The following LCT variants were observed in gnomAD, a reference collection of about 807,000 sequenced individuals.
LCT encodes lactase.
LCT carries 90 observed loss-of-function variants against 173.0 expected under a neutral mutation model. The observed-to-expected ratio is 0.52, with a 90% CI of 0.44 to 0.62. The LOEUF (loss-of-function observed/expected upper bound fraction) is 0.62. Among genes scored for constraint, LCT ranks in the 20% least tolerant of loss-of-function variants. LCT has a pLI of 0.00. For synonymous variants in LCT, 853 were observed against 957.6 expected (o/e 0.89, Z 2.02); for missense variants, 1,864 against 2,431.4 (o/e 0.77, Z 4.91).
rs753629770 is a variant in LCT at position 135,833,096 on chromosome 2, T to G, written c.720+15A>C. ...CTCCTCAGATGTTACAGGTATATTT[T>G]TGGGCTGCTGTCACCTGGGCAAGCG... is the stretch of plus-strand genomic sequence containing the variant. On this transcript the variant is annotated intron_variant, in intron 2 of 16. Coordinates refer to ENST00000264162, the MANE Select transcript of LCT (RefSeq NM_002299.4). The G allele has an allele frequency of 6.3e-7, 1 of 1,596,632 alleles. No homozygotes were observed. Among genetic ancestry groups the G allele is most frequent in the South Asian group, 1.1e-5 (1 of 90,702 alleles).
intron 3 of LCT, among the ~76,000 whole-genome samples, chr2:135,827,933 T>C (rs2077900724): frequency 6.6e-6 from 1 of 152,208 alleles, no homozygotes; most frequent in South Asian, 2.1e-4. Context: ...ATAGGACTGG[T>C]GCTAATTTGT....
intron 9 of LCT, 37 bp downstream of exon 9, chr2:135,807,091 T>C: frequency 6.2e-7 from 1 of 1,611,590 alleles, no homozygotes; most frequent in Non-Finnish European, 8.5e-7. Flanking sequence ...AGGGCAGGTG[T>C]GCAGTCACTG....
chr2:135,788,261 G>C lies in LCT; in HGVS notation c.*63C>G. On this transcript the variant is annotated 3_prime_UTR_variant, in exon 17 of 17. Coordinates refer to ENST00000264162, the MANE Select transcript of LCT (RefSeq NM_002299.4). ...CAGAGTCTAAGACCCTAAGGTGTTT[G>C]GTGGCCGGTAAACATAGATGAAGAA... 8.3e-7 allele frequency: 1 copy of C among 1,197,760 alleles called. No homozygotes were observed. Among genetic ancestry groups the C allele is most frequent in the Non-Finnish European group, 1.2e-6 (1 of 810,782 alleles). 74.2% of individuals were successfully genotyped at this position (1,197,760 alleles called of 1,614,324 possible).
intron 9 of LCT, among the ~76,000 whole-genome samples, chr2:135,806,835 G>A (rs562339341): frequency 1.3e-5 from 2 of 152,326 alleles, no homozygotes; most frequent in African/African-American, 2.4e-5. Flanking sequence ...TGAGCAATGC[G>A]TGACTGTATT....
chr2:135,834,787 C>CAAAAAAAAAAAAAAAAAAAA (rs60298631), intron 1 of LCT, among the ~76,000 whole-genome samples: 4 of 34,174 alleles, frequency 1.2e-4, no homozygotes, highest in Non-Finnish European at 1.5e-4. Context: ...GACTCCATCT[C>CAAAAAAAAAAAAAAAAAAAA]AAAAAAAAAA....
At chr2:135,795,045 G>GTGCA (rs2077571334) in intron 13 of LCT, among the ~76,000 whole-genome samples, 3 of 149,932 alleles carry the variant, frequency 2.0e-5, no homozygotes, top group Admixed American at 2.0e-4. Context: ...GCGCGCGCGC[G>GTGCA]CACACACACA....
chr2:135,790,913 G>T lies in LCT; in HGVS notation c.5112-32C>A. On this transcript the variant is annotated intron_variant, in intron 14 of 16. Coordinates refer to ENST00000264162, the MANE Select transcript of LCT (RefSeq NM_002299.4). This position sits in a 1 kb window ranked among gnomAD's most constrained non-coding sequence, Gnocchi z 4.1. ...GTTCAAAAACTAAAGATGAGGTCTTGTTTTGTAAATCTCAAGAGGCCCTTT... is the reference window on the plus strand; with the variant it reads ...GTTCAAAAACTAAAGATGAGGTCTTTTTTTGTAAATCTCAAGAGGCCCTTT... The T allele has an allele frequency of 6.5e-7, 1 of 1,533,916 alleles. No individual in the cohort carries two copies. The highest frequency in any genetic ancestry group is 9.0e-7 in the Non-Finnish European group (1 of 1,106,852).
At chr2:135,835,976 G>GTATATAAATATATATATATA (rs1553436125) in intron 1 of LCT, among the ~76,000 whole-genome samples, 3 of 80,480 alleles carry the variant, frequency 3.7e-5, no homozygotes, top group Admixed American at 1.6e-4. Context: ...ATACATGTGT[G>GTATATAAATATATATATATA]TATATATATA....
At position 135,822,000 on chromosome 2, in the gene LCT, AATAGGCAACCTGAC is replaced by A; in HGVS notation, c.986+6_986+19del. The A allele has an allele frequency of 1.4e-6, 2 of 1,418,096 alleles. No homozygotes were observed. The highest frequency in any genetic ancestry group is 2.0e-6 in the Non-Finnish European group (2 of 1,001,178). 87.8% of individuals were successfully genotyped at this position (1,418,096 alleles called of 1,614,324 possible). ...TACAAATATCAGTTATTGATAGTTC[AATAGGCAACCTGAC>A]ATTACCTTTTCTTGGAACTTGATGA... On this transcript the variant is annotated splice_donor_region_variant and intron_variant, in intron 5 of 16. Transcript: ENST00000264162.
chr2:135,832,417 G>T (rs2105557190), intron 2 of LCT, among the ~76,000 whole-genome samples: 1 of 151,172 alleles, frequency 6.6e-6, no homozygotes, highest in Non-Finnish European at 1.5e-5. Context: ...AAGGCCACAA[G>T]ACCCTGTCTG....
chr2:135,834,526 G>A (rs1216764982), intron 1 of LCT, among the ~76,000 whole-genome samples: 1 of 146,732 alleles, frequency 6.8e-6, no homozygotes, highest in Non-Finnish European at 1.5e-5. Flanking sequence ...GGTGGCTCAC[G>A]CCTGTAATCC....
intron 11 of LCT, 71 bp downstream of exon 11, chr2:135,803,859 C>G: frequency 1.4e-6 from 2 of 1,424,724 alleles, no homozygotes; most frequent in African/African-American, 2.8e-5. Flanking sequence ...CCTGTGCCAT[C>G]TGGATTTCAA....
In LCT at chr2:135,836,668, T is replaced by C; in HGVS notation, c.502A>G (p.Ile168Val). 1 of 1,614,130 alleles carries C rather than the reference T, an allele frequency of 6.2e-7. No individual in the cohort carries two copies. Residue 168 changes from isoleucine (I) to valine (V), a missense_variant, in exon 1 of 17, where the codon ATC (isoleucine) becomes GTC (valine). Physicochemically the swap from Ile to Val is conservative, Grantham distance 29. Transcript: ENST00000264162. The stretch of plus-strand genomic sequence containing the variant: ...TCCAAGTCACTGAAGGTGAACCAGA[T>C]CCCAACTAGGTCCCCGAAGGAGTGG... ...AFHSFGDLVG[I>V]WFTFSDLEEV...
chr2:135,822,468 C>T (rs771131896), intron 4 of LCT: 2 of 226,220 alleles, frequency 8.8e-6, no homozygotes, highest in Admixed American at 5.2e-5. Flanking sequence ...GGGACCACAA[C>T]TTTGGGAACA....
At chr2:135,824,652 C>T (rs1291178194) in intron 3 of LCT, among the ~76,000 whole-genome samples, 5 of 152,104 alleles carry the variant, frequency 3.3e-5, no homozygotes, top group South Asian at 2.1e-4. Flanking sequence ...GAGATGGCTT[C>T]GTAGGGGTTC....
At position 135,789,590 on chromosome 2, in the gene LCT, G is replaced by A. The variant is rs767789805; in HGVS notation, c.5544C>T (p.His1848=). Residue 1848 remains histidine, a synonymous_variant, in exon 16 of 17, where the codon CAC becomes CAT. Transcript: ENST00000264162. ...TCTCACCTGGCTGGTGGAGACAAGC[G>A]TGAGGCCCTGTAGCGGGGTCAGGGA... ...NGFPDPATGP[H]ACLHQPDAGP... The A allele has an allele frequency of 9.9e-6, 16 of 1,613,594 alleles. No homozygotes were observed. In the Admixed American group the frequency reaches 1.5e-4, roughly 15 times the overall value.
chr2:135,807,097 C>T (rs775656388), intron 9 of LCT, 31 bp downstream of exon 9: 1 of 1,612,928 alleles, frequency 6.2e-7, no homozygotes, highest in Non-Finnish European at 8.5e-7. Flanking sequence ...GGTGTGCAGT[C>T]ACTGGTGTCC....
Position 135,790,284 on chromosome 2 carries a change from A to T in LCT, c.5335+374T>A, listed in dbSNP as rs1161829959. The stretch of plus-strand genomic sequence containing the variant: ...CTCAAGTTGTTAGGGCTGAGCCAAG[A>T]GCCTCAAACTTTTGCTCGGAGACTA... On this transcript the variant is annotated intron_variant, in intron 15 of 16. Transcript: ENST00000264162. The surrounding 1 kb of genome is among the most constrained non-coding windows in gnomAD (Gnocchi z 4.1). Among the ~76,000 whole-genome samples the T allele has an allele frequency of 6.6e-6, 1 of 152,124 alleles. No individual in the cohort carries two copies. The highest frequency in any genetic ancestry group is 2.4e-5 in the African/African-American group (1 of 41,410).
chr2:135,796,952 T>TTG (rs1366100196), intron 13 of LCT, among the ~76,000 whole-genome samples: 1 of 150,174 alleles, frequency 6.7e-6, no homozygotes, highest in Non-Finnish European at 1.5e-5. Flanking sequence ...TTTTTTTTTT[T>TTG]TTTTTTTTTT....
Sources: allele counts gnomAD v4.1 joint callset (sites outside exome capture counted in the v4.1 genomes callset), GRCh38; gene constraint gnomAD v4.1.1; non-coding constraint Gnocchi (gnomAD v3.1); transcripts MANE v1.5; gene names NCBI Gene and HGNC (gene_info 2026-07-23, HGNC 2026-07-21).